Variants in MYO16 observed in about 807,000 individuals in gnomAD.
MYO16 encodes unconventional myosin-XVI.
Under a neutral mutation model 205.3 loss-of-function variants are expected in MYO16, and 94 were observed. The observed-to-expected ratio is 0.46, with a 90% confidence interval of 0.39 to 0.54. The LOEUF is 0.54. MYO16 is among the 20% of genes least tolerant of loss of function. The pLI is 0.00. For missense variants in MYO16, 2,315 were observed against 2,387.5 expected (o/e 0.97, Z 0.63); for synonymous variants, 988 against 954.0 (o/e 1.04, Z -0.66).
At chr13:108,645,849 G>T (rs1254562254) in intron 1 of MYO16, among the ~76,000 whole-genome samples, 1 of 152,134 alleles carries the variant, frequency 6.6e-6, no homozygotes, top group Non-Finnish European at 1.5e-5. Flanking sequence ...CCAAAGACTT[G>T]ACGCTGGATC....
chr13:108,596,313 T>G (rs2139291921), intron 1 of MYO16: 1 of 152,308 alleles, frequency 6.6e-6, no homozygotes, highest in East Asian at 1.9e-4. Context: ...AACTCTGCAT[T>G]TTCCACAAGT....
chr13:109,145,967 A>G (rs1431975602), intron 32 of MYO16, among the ~76,000 whole-genome samples: 1 of 152,244 alleles, frequency 6.6e-6, no homozygotes, highest in African/African-American at 2.4e-5. Context: ...ATTCAGTTTT[A>G]TTACATTCTG....
At chr13:108,870,976 T>C (rs895950959) in intron 12 of MYO16, among the ~76,000 whole-genome samples, 1 of 152,092 alleles carries the variant, frequency 6.6e-6, no homozygotes, top group Non-Finnish European at 1.5e-5. Flanking sequence ...TTTCTTTCTA[T>C]AAAAAATATA....
the MYO16 span, among the ~76,000 whole-genome samples, chr13:108,572,276 A>G: frequency 5.9e-4 from 89 of 152,088 alleles, no homozygotes; most frequent in African/African-American, 2.0e-3. Context: ...ATTGAGCTTT[A>G]CAAACACTGA....
intron 16 of MYO16, among the ~76,000 whole-genome samples, chr13:108,921,661 T>C (rs907874599): frequency 6.6e-6 from 1 of 152,210 alleles, no homozygotes; most frequent in African/African-American, 2.4e-5. Flanking sequence ...TTTAGAGAGA[T>C]TATATCCTCA....
At chr13:108,967,865 A>G (rs1261868411) in intron 20 of MYO16, among the ~76,000 whole-genome samples, 1 of 152,192 alleles carries the variant, frequency 6.6e-6, no homozygotes, top group Non-Finnish European at 1.5e-5. Context: ...CACAGTTGTG[A>G]CTACAGTCTG....
At chr13:109,024,462 T>C (rs1886295331) in intron 23 of MYO16, among the ~76,000 whole-genome samples, 1 of 152,040 alleles carries the variant, frequency 6.6e-6, no homozygotes, top group African/African-American at 2.4e-5. Context: ...AGTTTTTAAA[T>C]CATTTTATGT....
chr13:108,741,228 C>T (rs933940536), intron 4 of MYO16, among the ~76,000 whole-genome samples: 9 of 152,160 alleles, frequency 5.9e-5, no homozygotes, highest in South Asian at 2.1e-4. Context: ...GCGTCGCTCA[C>T]GCTGGGAGCT....
chr13:108,974,623 G>T (rs1227712302), intron 20 of MYO16, among the ~76,000 whole-genome samples: 1 of 152,086 alleles, frequency 6.6e-6, no homozygotes, highest in Non-Finnish European at 1.5e-5. Context: ...CATTGACTTT[G>T]TAAATTGAAG....
intron 1 of MYO16, among the ~76,000 whole-genome samples, chr13:108,600,405 G>T (rs539432807): frequency 2.0e-5 from 3 of 152,222 alleles, no homozygotes; most frequent in South Asian, 2.1e-4. Context: ...TGCATCAAAG[G>T]TGCTTAGCAT....
At chr13:109,052,533 T>A in intron 25 of MYO16, 58 bp downstream of exon 25, 1 of 1,320,154 alleles carries the variant, frequency 7.6e-7, no homozygotes, top group Non-Finnish European at 1.0e-6. Flanking sequence ...TATATTTGCT[T>A]CTTTTTTTTT....
At chr13:108,599,304 A>G (rs370841037) in intron 1 of MYO16, among the ~76,000 whole-genome samples, 1 of 147,536 alleles carries the variant, frequency 6.8e-6, no homozygotes, top group East Asian at 2.0e-4. Flanking sequence ...ATAAACATAC[A>G]TGTGCATGTG....
chr13:108,525,104 T>C, the MYO16 span, among the ~76,000 whole-genome samples: 1 of 152,228 alleles, frequency 6.6e-6, no homozygotes, highest in Non-Finnish European at 1.5e-5. Flanking sequence ...ACACAGACTT[T>C]ACCTCTGGTT....
At chr13:108,697,602 A>C (rs1014895153) in intron 2 of MYO16, among the ~76,000 whole-genome samples, 1 of 152,260 alleles carries the variant, frequency 6.6e-6, no homozygotes, top group Non-Finnish European at 1.5e-5. Flanking sequence ...ATGAAATAAA[A>C]AGAAAAATAA....
chr13:108,598,516 G>A (rs934602020), intron 1 of MYO16, among the ~76,000 whole-genome samples: 4 of 152,152 alleles, frequency 2.6e-5, no homozygotes, highest in Non-Finnish European at 1.5e-5. Context: ...TGTTATTCAA[G>A]TGATAGGTTG....
intron 2 of MYO16, among the ~76,000 whole-genome samples, chr13:108,676,018 A>G (rs1426962891): frequency 1.3e-5 from 2 of 152,220 alleles, no homozygotes; most frequent in African/African-American, 2.4e-5. Flanking sequence ...TGCCACATGC[A>G]TAATAAATGT....
intron 11 of MYO16, among the ~76,000 whole-genome samples, chr13:108,861,012 A>G (rs1878425852): frequency 6.6e-6 from 1 of 152,002 alleles, no homozygotes; most frequent in African/African-American, 2.4e-5. Context: ...ACTTTTATTT[A>G]TTTTCTTATT....
chr13:109,179,518 C>T (rs1255848912), intron 33 of MYO16, 24 bp from the exon 34 acceptor site: 1 of 1,534,992 alleles, frequency 6.5e-7, no homozygotes, highest in African/African-American at 1.4e-5. Flanking sequence ...CTGCTTAACT[C>T]CCGATTTGTG....
intron 27 of MYO16, among the ~76,000 whole-genome samples, chr13:109,061,057 A>C (rs1887576508): frequency 6.6e-6 from 1 of 152,068 alleles, no homozygotes; most frequent in Non-Finnish European, 1.5e-5. Context: ...TGTTTCCTCA[A>C]ATCTCATGAA....
Sources: gnomAD v4.1 joint callset for allele counts (sites outside exome capture counted in the v4.1 genomes callset) on GRCh38, gnomAD v4.1.1 for gene constraint, MANE v1.5 for transcripts, NCBI Gene and HGNC (gene_info 2026-07-23, HGNC 2026-07-21) for gene names.